ZNF729: variants seen among roughly 807,000 people sequenced by gnomAD.
The protein encoded by ZNF729 is zinc finger protein 729.
In ZNF729, 15 loss-of-function variants were observed where a neutral mutation model predicts 12.2. The ratio of observed to expected loss-of-function variants is 1.23; its 90% CI spans 0.82 to 1.89. The LOEUF (loss-of-function observed/expected upper bound fraction) is 1.89, where lower values mean the gene tolerates loss of function less well. Ranked by LOEUF, ZNF729 falls within the 40% of genes most tolerant of loss-of-function variation. ZNF729 has a pLI of 0.00. For missense variants in ZNF729, 1,540 were observed against 1,456.7 expected, an observed-to-expected ratio of 1.06 and a Z score of -0.93; for synonymous variants, 492 against 476.3, an observed-to-expected ratio of 1.03 and a Z score of -0.43.
intron 1 of ZNF729, among the ~76,000 whole-genome samples, chr19:22,291,050 T>A (rs138805730): frequency 1.3e-3 from 199 of 152,236 alleles, no homozygotes; most frequent in Admixed American, 4.6e-3. Flanking sequence ...AACAATGTTG[T>A]GAGACTGAGC....
intron 3 of ZNF729, among the ~76,000 whole-genome samples, chr19:22,312,769 G>A (rs1478068264): frequency 6.6e-6 from 1 of 151,924 alleles, no homozygotes; most frequent in Non-Finnish European, 1.5e-5. Context: ...GCTGGAGTGC[G>A]ATGGCATGAT....
intron 1 of ZNF729, among the ~76,000 whole-genome samples, chr19:22,302,588 A>G (rs960345489): frequency 1.8e-5 from 2 of 114,114 alleles, no homozygotes; most frequent in African/African-American, 6.5e-5. Context: ...CTAAAAAAAT[A>G]TTTAAATTAC....
chr19:22,302,947 G>A (rs148588373), intron 1 of ZNF729, among the ~76,000 whole-genome samples: 88 of 152,214 alleles, frequency 5.8e-4, no homozygotes, highest in Admixed American at 9.8e-4. Context: ...GCTAATTTTT[G>A]TACTATTATT....
At chr19:22,296,088 T>A (rs1161169868) in intron 1 of ZNF729, among the ~76,000 whole-genome samples, 1 of 152,194 alleles carries the variant, frequency 6.6e-6, no homozygotes, top group African/African-American at 2.4e-5. Context: ...TGAAGTTTTC[T>A]ATTTTTTGTT....
intron 1 of ZNF729, among the ~76,000 whole-genome samples, chr19:22,295,058 G>GTGTGTGTA (rs1185744068): frequency 2.0e-5 from 3 of 151,754 alleles, no homozygotes; most frequent in African/African-American, 7.3e-5. Flanking sequence ...GTGTGTGTGT[G>GTGTGTGTA]TGTGTGTGTG....
rs1356919373 is a variant in ZNF729 at position 22,313,790 on chromosome 19, G to T, written c.373G>T (p.Asp125Tyr). ...CGHKNLRLRK[D>Y]CKSANEGKMH... Reference sequence around the variant, plus strand: ...ACATAAGAATTTACGATTAAGAAAAGATTGTAAAAGTGCCAATGAGGGTAA... The same window carrying T: ...ACATAAGAATTTACGATTAAGAAAATATTGTAAAAGTGCCAATGAGGGTAA... The change falls in exon 4 of 4, where the codon GAT becomes TAT. Residue 125 changes from aspartate to tyrosine, a missense_variant. Coordinates refer to ENST00000601693, the MANE Select transcript of ZNF729 (RefSeq NM_001242680.2). The T allele has an allele frequency of 1.9e-6, 3 of 1,597,892 alleles. No homozygotes were observed. Among genetic ancestry groups the T allele is most frequent in the South Asian group, 1.1e-5 (1 of 89,308 alleles).
At chr19:22,300,723 C>T (rs1968294077) in intron 1 of ZNF729, among the ~76,000 whole-genome samples, 1 of 152,214 alleles carries the variant, frequency 6.6e-6, no homozygotes, top group Non-Finnish European at 1.5e-5. Context: ...ACTCTTGTAT[C>T]TTCCGAACTG....
rs558460808 is a variant in ZNF729 at position 22,289,077 on chromosome 19, T to G, written c.30+2522T>G. On this transcript the variant is annotated intron_variant, in intron 1 of 3. Transcript: ENST00000601693. Reference sequence around the variant, plus strand: ...AGACACATCTGTACCTTGAAAAGATTTGGTCGCTTATTTTGACCTCAGTTT... The same window carrying G: ...AGACACATCTGTACCTTGAAAAGATGTGGTCGCTTATTTTGACCTCAGTTT... Among the ~76,000 whole-genome samples, 5 of 147,066 alleles carry G rather than the reference T, an allele frequency of 3.4e-5. No individual in the cohort carries two copies. The South Asian group carries it at 8.5e-4, about 25-fold the overall frequency.
intron 3 of ZNF729, among the ~76,000 whole-genome samples, chr19:22,307,316 ATTTTT>A (rs35650592): frequency 1.0e-5 from 1 of 95,300 alleles, no homozygotes. Flanking sequence ...ACAATGTAGC[ATTTTT>A]TTTTTTTTTT....
At chr19:22,297,863 G>A (rs551532648) in intron 1 of ZNF729, among the ~76,000 whole-genome samples, 13 of 151,760 alleles carry the variant, frequency 8.6e-5, no homozygotes, top group African/African-American at 2.7e-4. Flanking sequence ...AAATTAGCTC[G>A]GCATGGTTGT....
At chr19:22,303,633 G>A in intron 1 of ZNF729, 125 bp from the exon 2 acceptor site, 1 of 846,036 alleles carries the variant, frequency 1.2e-6, no homozygotes, top group South Asian at 1.8e-5. Context: ...TATTGGATAT[G>A]TTCGGTCATC....
At chr19:22,294,994 C>T (rs182391344) in intron 1 of ZNF729, among the ~76,000 whole-genome samples, 1 of 150,710 alleles carries the variant, frequency 6.6e-6, no homozygotes, top group African/African-American at 2.5e-5. Flanking sequence ...TGATTCTTGA[C>T]ATAGAGATCT....
rs1286745206 is a variant in ZNF729 at position 22,316,443 on chromosome 19, A to T, written c.3026A>T (p.Lys1009Ile). 6.2e-7 allele frequency: 1 copy of T among 1,613,638 alleles called. No individual in the cohort carries two copies. The highest frequency in any genetic ancestry group is 1.1e-5 in the South Asian group (1 of 91,052). Residue 1009 changes from lysine (K) to isoleucine (I), a missense_variant, in exon 4 of 4, where the codon AAA becomes ATA. By Grantham distance (102) the Lys-to-Ile change is moderately radical. Coordinates refer to ENST00000601693, the MANE Select transcript of ZNF729 (RefSeq NM_001242680.2). ...TTTAACAATTCCTCAACCCTTAAGA[A>T]ACATAAGCTAATTCATACTAGGGAG... ...KDFNNSSTLKKHKLIHTREKL... is the reference protein window; with the variant it reads ...KDFNNSSTLKIHKLIHTREKL...
Position 22,314,240 on chromosome 19 carries a change from CA to C in ZNF729, c.824del (p.Gln275ArgfsTer38). ...TGAAGAATGTGGCAAAGCTTTTAACCAGTCCTCAAATCTTACTGACCATAAG... is the reference window on the plus strand; with the variant it reads ...TGAAGAATGTGGCAAAGCTTTTAACCGTCCTCAAATCTTACTGACCATAAG... ...RCEECGKAFN[Q>X]SSNLTDHKRI... is the part of the protein sequence containing the mutation. On this transcript the variant is annotated frameshift_variant, in exon 4 of 4. Transcript: ENST00000601693. LOFTEE classifies it low-confidence loss of function (END_TRUNC). 1.2e-6 allele frequency: 2 copies of C among 1,607,122 alleles called. No individual in the cohort carries two copies. The highest frequency in any genetic ancestry group is 1.7e-6 in the Non-Finnish European group (2 of 1,177,288).
chr19:22,291,861 G>A (rs1448789207), intron 1 of ZNF729, among the ~76,000 whole-genome samples: 1 of 152,184 alleles, frequency 6.6e-6, no homozygotes, highest in African/African-American at 2.4e-5. Flanking sequence ...AGCCTCCTGA[G>A]AAGCTGGGAC....
chr19:22,312,440 TTGTGTG>T (rs138264785), intron 3 of ZNF729, among the ~76,000 whole-genome samples: 2,638 of 144,646 alleles, frequency 0.018, 66 homozygotes, highest in African/African-American at 0.053. Context: ...TTGTCTGAAA[TTGTGTG>T]TGTGTGTGTG....
rs1020114084 is a variant in ZNF729, at chr19:22,316,454, A to T, written c.3037A>T (p.Ile1013Phe). The change falls in exon 4 of 4, where the codon ATT (isoleucine) becomes TTT (phenylalanine). Residue 1013 changes from isoleucine to phenylalanine, a missense_variant. Physicochemically the swap from Ile to Phe is conservative, Grantham distance 21. Transcript: ENST00000601693. ...CTCAACCCTTAAGAAACATAAGCTAATTCATACTAGGGAGAAATTGTACAA... is the reference window on the plus strand; with the variant it reads ...CTCAACCCTTAAGAAACATAAGCTATTTCATACTAGGGAGAAATTGTACAA... The part of the protein sequence containing the change: ...NSSTLKKHKL[I>F]HTREKLYKCE... 9.9e-6 allele frequency: 16 copies of T among 1,613,568 alleles called. No individual in the cohort carries two copies. Among genetic ancestry groups the T allele is most frequent in the Non-Finnish European group, 1.4e-5 (16 of 1,179,716 alleles).
In ZNF729 at chr19:22,315,229, A is replaced by G; in HGVS notation, c.1812A>G (p.Glu604=). The G allele has an allele frequency of 6.2e-7, 1 of 1,612,438 alleles. No individual in the cohort carries two copies. The highest frequency in any genetic ancestry group is 8.5e-7 in the Non-Finnish European group (1 of 1,179,442). The change falls in exon 4 of 4, where the codon GAA becomes GAG. Residue 604 remains glutamate, a synonymous_variant. Coordinates refer to ENST00000601693, the MANE Select transcript of ZNF729 (RefSeq NM_001242680.2). The part of the protein sequence containing the change: ...HTREKLYKCE[E]CGKAFNNSSI... ...GGGAGAAATTGTACAAATGTGAAGA[A>G]TGTGGCAAAGCTTTTAACAATTCCT...
At chr19:22,290,018 G>C (rs531215344) in intron 1 of ZNF729, among the ~76,000 whole-genome samples, 1 of 152,252 alleles carries the variant, frequency 6.6e-6, no homozygotes, top group South Asian at 2.1e-4. Flanking sequence ...CACTGTGTTA[G>C]AGTAATTCTG....
Sources: gnomAD v4.1 joint callset for allele counts (sites outside exome capture counted in the v4.1 genomes callset) on GRCh38, gnomAD v4.1.1 for gene constraint, MANE v1.5 for transcripts, NCBI Gene and HGNC (gene_info 2026-07-23, HGNC 2026-07-21) for gene names.